Variants in SNX24 observed in about 807,000 individuals in gnomAD.
SNX24 encodes sorting nexin-24.
Under a neutral mutation model 28.7 loss-of-function variants are expected in SNX24, and 22 were observed. The observed-to-expected ratio is 0.77, with a 90% CI of 0.55 to 1.10. The LOEUF (loss-of-function observed/expected upper bound fraction) is 1.10, where lower values mean the gene tolerates loss of function less well. Among genes scored for constraint, SNX24 ranks in the 50% least tolerant of loss-of-function variants. The pLI, the probability that SNX24 is intolerant of heterozygous loss-of-function variation, is 0.00. For missense variants in SNX24, 221 were observed against 201.1 expected, an observed-to-expected ratio of 1.10 and a Z score of -0.60; for synonymous variants, 69 against 71.5, an observed-to-expected ratio of 0.96 and a Z score of 0.18.
chr5:122,947,404 A>C (rs1759734318), intron 3 of SNX24, among the ~76,000 whole-genome samples: 1 of 152,184 alleles, frequency 6.6e-6, no homozygotes, highest in Admixed American at 6.5e-5. Context: ...AGATGCCAGA[A>C]TTCCGTTCCT....
chr5:122,977,385 C>T (rs1045421483), intron 3 of SNX24, among the ~76,000 whole-genome samples: 3 of 132,938 alleles, frequency 2.3e-5, no homozygotes, highest in East Asian at 5.2e-4. Flanking sequence ...CTTTTGGATT[C>T]GTAGCCCTTC....
intron 1 of SNX24, among the ~76,000 whole-genome samples, chr5:122,857,330 C>T (rs557046457): frequency 3.3e-5 from 5 of 152,012 alleles, no homozygotes; most frequent in East Asian, 1.9e-4. Flanking sequence ...TTTTTGTGTA[C>T]GGTGTAAGGA....
At chr5:123,023,672 G>T in intron 5 of SNX24, 1 of 710,094 alleles carries the variant, frequency 1.4e-6, no homozygotes, top group Non-Finnish European at 2.0e-6. Context: ...TAAGTTCAAA[G>T]TCCCTAAGCA....
At chr5:122,905,250 T>C (rs559410007) in intron 1 of SNX24, among the ~76,000 whole-genome samples, 22 of 151,768 alleles carry the variant, frequency 1.4e-4, no homozygotes, top group Non-Finnish European at 2.9e-4. Context: ...AAGTGGGAGA[T>C]TGGGAGGTGG....
chr5:122,958,040 G>C (rs1350850830), intron 3 of SNX24, among the ~76,000 whole-genome samples: 1 of 151,970 alleles, frequency 6.6e-6, no homozygotes, highest in Non-Finnish European at 1.5e-5. Context: ...AATTGCTCTG[G>C]CTTAAACTTT....
chr5:122,973,952 C>T (rs892525761), intron 3 of SNX24, among the ~76,000 whole-genome samples: 1 of 152,200 alleles, frequency 6.6e-6, no homozygotes, highest in Non-Finnish European at 1.5e-5. Context: ...GGTCATATGG[C>T]TCAAGTGGCA....
intron 1 of SNX24, among the ~76,000 whole-genome samples, chr5:122,880,314 A>G (rs1282363304): frequency 1.3e-5 from 2 of 152,158 alleles, no homozygotes; most frequent in African/African-American, 2.4e-5. Context: ...CATTTGAAAA[A>G]CTTTTTCATT....
At chr5:122,891,073 A>G (rs1756946658) in intron 1 of SNX24, 2 of 1,535,264 alleles carry the variant, frequency 1.3e-6, no homozygotes, top group Admixed American at 2.0e-5. Context: ...ATGGAATCAT[A>G]TGAAGTTATT....
rs572283350 is a variant in SNX24 at position 122,933,446 on chromosome 5, ACTCAGGGGAT to A, written c.61-3286_61-3277del. ...CATACTCCCAGCTCCCTTTCCTTAA[ACTCAGGGGAT>A]CACAGGGCTCTGCCTGGGTGGGGTC... On this transcript the variant is annotated intron_variant, in intron 1 of 6. Transcript: ENST00000261369. Among the ~76,000 whole-genome samples, 14 of 151,948 alleles carry A rather than the reference ACTCAGGGGAT, an allele frequency of 9.2e-5. No homozygotes were observed. The East Asian group carries it at 2.7e-3, about 29-fold the overall frequency.
At chr5:122,955,810 G>A (rs1760181661) in intron 3 of SNX24, among the ~76,000 whole-genome samples, 3 of 152,180 alleles carry the variant, frequency 2.0e-5, no homozygotes, top group African/African-American at 7.2e-5. Flanking sequence ...ATTACCAAGT[G>A]GTGAAAGCCC....
intron 1 of SNX24, among the ~76,000 whole-genome samples, chr5:122,901,734 A>C (rs1213648929): frequency 1.3e-5 from 2 of 152,130 alleles, no homozygotes; most frequent in South Asian, 4.1e-4. Flanking sequence ...TCATACACAC[A>C]TGTTCTACCT....
At chr5:122,888,837 T>TA (rs1410139350) in intron 1 of SNX24, among the ~76,000 whole-genome samples, 5 of 152,128 alleles carry the variant, frequency 3.3e-5, no homozygotes, top group African/African-American at 1.2e-4. Context: ...TTCTGTAAGT[T>TA]ATAGATGTAA....
intron 5 of SNX24, among the ~76,000 whole-genome samples, chr5:123,017,504 C>T (rs573132637): frequency 2.0e-5 from 3 of 150,606 alleles, no homozygotes; most frequent in African/African-American, 7.3e-5. Context: ...GTTTGACAAT[C>T]TTCAGGGGCT....
chr5:122,851,274 C>T (rs2150030796), intron 1 of SNX24, among the ~76,000 whole-genome samples: 1 of 152,256 alleles, frequency 6.6e-6, no homozygotes, highest in South Asian at 2.1e-4. Context: ...AAGCTGTTCT[C>T]CTGCCTCAGC....
At chr5:122,873,414 T>C (rs1254123467) in intron 1 of SNX24, among the ~76,000 whole-genome samples, 1 of 152,192 alleles carries the variant, frequency 6.6e-6, no homozygotes, top group Admixed American at 6.5e-5. Flanking sequence ...GCAGTCTGTT[T>C]AATTGGAAAT....
chr5:123,025,911 C>T (rs770035332), intron 5 of SNX24: 2 of 1,612,930 alleles, frequency 1.2e-6, no homozygotes, highest in South Asian at 1.1e-5. Context: ...CCACCCAATG[C>T]CATAGTGCTT....
At chr5:122,888,426 T>C (rs78235497) in intron 1 of SNX24, among the ~76,000 whole-genome samples, 1 of 9,838 alleles carries the variant, frequency 1.0e-4, no homozygotes, top group Non-Finnish European at 1.3e-4. Context: ...TTATTTAACA[T>C]TTCTGTGCCT....
chr5:122,970,787 T>A (rs1340619876), intron 3 of SNX24, among the ~76,000 whole-genome samples: 1 of 152,220 alleles, frequency 6.6e-6, no homozygotes, highest in Non-Finnish European at 1.5e-5. Context: ...ACAAATCTTA[T>A]GTGTCAGCCA....
chr5:122,890,709 G>C (rs1233697710), intron 1 of SNX24, among the ~76,000 whole-genome samples: 2 of 152,044 alleles, frequency 1.3e-5, no homozygotes, highest in African/African-American at 4.8e-5. Context: ...GACCTCAAGT[G>C]ATCTGCCCGT....
Sources: gnomAD v4.1 joint callset for allele counts (sites outside exome capture counted in the v4.1 genomes callset) on GRCh38, gnomAD v4.1.1 for gene constraint, MANE v1.5 for transcripts, NCBI Gene and HGNC (gene_info 2026-07-23, HGNC 2026-07-21) for gene names.